Variants in VPS50 observed in about 807,000 individuals in gnomAD.
VPS50 encodes the protein syndetin.
In VPS50, 70 loss-of-function variants were observed where a neutral mutation model predicts 139.7. The observed-to-expected ratio is 0.50, with a 90% confidence interval of 0.41 to 0.61. The LOEUF is 0.61. Ranked by LOEUF, VPS50 falls within the 20% of genes least tolerant of loss-of-function variation. The pLI is 0.00. For synonymous variants in VPS50, 365 were observed against 376.7 expected, an observed-to-expected ratio of 0.97 and a Z score of 0.36; for missense variants, 921 against 1,133.7, an observed-to-expected ratio of 0.81 and a Z score of 2.69.
intron 4 of VPS50, among the ~76,000 whole-genome samples, chr7:93,255,200 A>G (rs915400962): frequency 3.9e-5 from 6 of 152,230 alleles, no homozygotes; most frequent in Non-Finnish European, 8.8e-5. Flanking sequence ...TATACAACTC[A>G]GCATAATGTA....
intron 2 of VPS50, among the ~76,000 whole-genome samples, chr7:93,250,036 CTGAT>C (rs1455849118): frequency 1.3e-5 from 2 of 151,478 alleles, no homozygotes; most frequent in East Asian, 3.9e-4. Flanking sequence ...ATCATAGTAA[CTGAT>C]TGCACGCTGA....
intron 12 of VPS50, among the ~76,000 whole-genome samples, chr7:93,281,145 C>G (rs1309447199): frequency 2.0e-5 from 3 of 152,128 alleles, no homozygotes; most frequent in Non-Finnish European, 2.9e-5. Flanking sequence ...TTCTCTGAGC[C>G]ATGTACTTTT....
chr7:93,324,671 C>T (rs1180408342), intron 21 of VPS50, among the ~76,000 whole-genome samples: 1 of 152,138 alleles, frequency 6.6e-6, no homozygotes, highest in Non-Finnish European at 1.5e-5. Flanking sequence ...AGAGCCAAAT[C>T]ATGAGTGAAC....
chr7:93,283,386 C>T (rs1270509271), intron 12 of VPS50, among the ~76,000 whole-genome samples: 1 of 152,002 alleles, frequency 6.6e-6, no homozygotes, highest in Non-Finnish European at 1.5e-5. Flanking sequence ...ACAGCTCCCA[C>T]CACCACACCC....
chr7:93,258,129 CTT>C (rs1795546956), intron 6 of VPS50, 28 bp from the exon 7 acceptor site: 1 of 926,804 alleles, frequency 1.1e-6, no homozygotes, highest in Non-Finnish European at 1.7e-6. Context: ...TAATAAAAAA[CTT>C]TTAACTATTT....
In VPS50 at chr7:93,236,937, CTTTTTTTTTTTTT is replaced by C. The variant is rs71107889; in HGVS notation, c.34-2909_34-2897del. Reference sequence around the variant, plus strand: ...CTCACATACATGACCTCTTTTACTTCTTTTTTTTTTTTTTTTTTTTTTTTTTTTTTTTCGAGAC... The same window carrying C: ...CTCACATACATGACCTCTTTTACTTCTTTTTTTTTTTTTTTTTTTCGAGAC... On this transcript the variant is annotated intron_variant, in intron 1 of 27. Coordinates refer to ENST00000305866, the MANE Select transcript of VPS50 (RefSeq NM_017667.4). Among the ~76,000 whole-genome samples, 28 of 31,064 alleles carry C rather than the reference CTTTTTTTTTTTTT, an allele frequency of 9.0e-4. 1 individual carries two copies. In the South Asian group the frequency reaches 0.015, roughly 16 times the overall value. The allele number at this position is 31,064 out of a possible 152,430, so 20.4% of individuals were successfully genotyped here. A position where few individuals can be genotyped will look rare whatever the true frequency, so the allele number is the denominator to read the frequency against.
rs568328739 is a variant in VPS50, at chr7:93,295,102, A to G, written c.1167+466A>G. ...GATCTTTGTACCTTGAGGGAATCTT[A>G]CATGCTTATTGGCTGAATATATCTG... On this transcript the variant is annotated intron_variant, in intron 14 of 27. Transcript: ENST00000305866. Among the ~76,000 whole-genome samples the G allele has an allele frequency of 3.9e-5, 6 of 152,296 alleles. No individual in the cohort carries two copies. The South Asian group carries it at 1.2e-3, about 32-fold the overall frequency.
chr7:93,314,019 T>G (rs189008924), intron 20 of VPS50, among the ~76,000 whole-genome samples: 35 of 152,312 alleles, frequency 2.3e-4, no homozygotes, highest in African/African-American at 8.2e-4. Context: ...GTTTTTATCT[T>G]CAGTTTTTAG....
intron 1 of VPS50, among the ~76,000 whole-genome samples, chr7:93,233,320 T>C (rs978078695): frequency 6.6e-6 from 1 of 152,242 alleles, no homozygotes; most frequent in African/African-American, 2.4e-5. Context: ...GAATTGGTCA[T>C]TTTATTATTT....
intron 21 of VPS50, among the ~76,000 whole-genome samples, chr7:93,330,409 G>C (rs773333172): frequency 1.9e-4 from 29 of 152,020 alleles, no homozygotes; most frequent in Non-Finnish European, 5.9e-5. Flanking sequence ...CAGATTGTCA[G>C]AATGGATTAA....
rs71107890 is a variant in VPS50 at position 93,261,677 on chromosome 7, C to CAAA, written c.659+2065_659+2067dup. On this transcript the variant is annotated intron_variant, in intron 9 of 27. Transcript: ENST00000305866. Reference sequence around the variant, plus strand: ...TGGGCCACAGAGCGAGACTCCGTCTCAAAAAAAAAAAAAAAAAAAAAAGAA... The same window carrying CAAA: ...TGGGCCACAGAGCGAGACTCCGTCTCAAAAAAAAAAAAAAAAAAAAAAAAAGAA... Among the ~76,000 whole-genome samples, 249 of 61,902 alleles carry CAAA rather than the reference C, an allele frequency of 4.0e-3. 8 individuals carry two copies. The highest frequency in any genetic ancestry group is 6.9e-3 in the South Asian group (10 of 1,454). 40.6% of individuals were successfully genotyped at this position (61,902 alleles called of 152,430 possible).
chr7:93,335,217 GATGAA>G (rs1798039576), intron 22 of VPS50, among the ~76,000 whole-genome samples: 1 of 152,182 alleles, frequency 6.6e-6, no homozygotes, highest in Admixed American at 6.5e-5. Context: ...TGAGTACTAA[GATGAA>G]ACTGAAGCGG....
intron 2 of VPS50, among the ~76,000 whole-genome samples, chr7:93,250,443 A>G (rs1235811791): frequency 6.6e-6 from 1 of 152,170 alleles, no homozygotes; most frequent in Non-Finnish European, 1.5e-5. Context: ...AAAACAAGCA[A>G]TGGGGAAAGG....
At chr7:93,298,258 A>C (rs1796870463) in intron 16 of VPS50, among the ~76,000 whole-genome samples, 1 of 152,210 alleles carries the variant, frequency 6.6e-6, no homozygotes, top group Non-Finnish European at 1.5e-5. Flanking sequence ...TAAAAATTTA[A>C]TTGACTAAAC....
At chr7:93,344,317 C>A (rs1480866750) in intron 23 of VPS50, among the ~76,000 whole-genome samples, 2 of 152,106 alleles carry the variant, frequency 1.3e-5, no homozygotes, top group Non-Finnish European at 2.9e-5. Context: ...ACAGGAGCAC[C>A]CAGATGCATA....
chr7:93,250,240 A>AT (rs995945307), intron 2 of VPS50, among the ~76,000 whole-genome samples: 13 of 151,978 alleles, frequency 8.6e-5, no homozygotes, highest in Non-Finnish European at 1.2e-4. Context: ...GATTTGTTCT[A>AT]TTTTTTTGGC....
At chr7:93,261,660 A>G (rs1795683488) in intron 9 of VPS50, among the ~76,000 whole-genome samples, 1 of 145,978 alleles carries the variant, frequency 6.9e-6, no homozygotes, top group Non-Finnish European at 1.5e-5. Flanking sequence ...CCTGGGCCAC[A>G]GAGCGAGACT....
chr7:93,256,426 T>C, intron 4 of VPS50, 83 bp from the exon 5 acceptor site: 1 of 676,484 alleles, frequency 1.5e-6, no homozygotes. Flanking sequence ...TGGAATATTC[T>C]TTTAAAAATT....
chr7:93,325,547 C>T (rs1354446304), intron 21 of VPS50, among the ~76,000 whole-genome samples: 4 of 151,984 alleles, frequency 2.6e-5, no homozygotes, highest in Admixed American at 6.5e-5. Flanking sequence ...TCACAACCTA[C>T]TCATCTGACA....
Sources: allele counts gnomAD v4.1 joint callset (sites outside exome capture counted in the v4.1 genomes callset), GRCh38; gene constraint gnomAD v4.1.1; transcripts MANE v1.5; gene names NCBI Gene and HGNC (gene_info 2026-07-23, HGNC 2026-07-21).